CEP43: variants seen among roughly 807,000 people sequenced by gnomAD.
The protein encoded by CEP43 is centrosomal protein 43, also known as FGFR1 oncogene partner.
Under a neutral mutation model 52.6 loss-of-function variants are expected in CEP43, and 36 were observed. That is an observed-to-expected ratio of 0.68 (90% CI 0.52 to 0.90). The LOEUF (loss-of-function observed/expected upper bound fraction) is 0.90. CEP43 is among the 40% of genes least tolerant of loss of function. CEP43 has a pLI of 0.00. For missense variants in CEP43, 506 were observed against 472.8 expected (o/e 1.07, Z -0.65); for synonymous variants, 192 against 172.4 (o/e 1.11, Z -0.89).
intron 4 of CEP43, 42 bp from the exon 5 acceptor site, chr6:167,004,222 C>T: frequency 6.4e-7 from 1 of 1,569,322 alleles, no homozygotes; most frequent in Non-Finnish European, 8.6e-7. Context: ...AGAATAACTT[C>T]TGCTATTTTT....
At position 167,049,963 on chromosome 6, in the gene CEP43, T is replaced by C. The variant is rs1018274177; in HGVS notation, c.*9985T>C. The C allele has an allele frequency of 2.0e-5, 3 of 152,370 alleles. No homozygotes were observed. Among genetic ancestry groups the C allele is most frequent in the East Asian group, 1.9e-4 (1 of 5,192 alleles). The allele number at this position is 152,370 out of a possible 1,614,324, so 9.4% of individuals were successfully genotyped here. A position where few individuals can be genotyped will look rare whatever the true frequency, so the allele number is the denominator to read the frequency against. On this transcript the variant is annotated 3_prime_UTR_variant, in exon 13 of 13. Coordinates refer to ENST00000366847, the MANE Select transcript of CEP43 (RefSeq NM_007045.4). ...AGATTTGCATTTGGAGCATGTCTTATGTGCACTTAAAAATATTAATATCTA... is the reference window on the plus strand; with the variant it reads ...AGATTTGCATTTGGAGCATGTCTTACGTGCACTTAAAAATATTAATATCTA...
intron 12 of CEP43, chr6:167,035,986 A>G: frequency 1.2e-6 from 1 of 869,196 alleles, no homozygotes; most frequent in African/African-American, 1.8e-5. Context: ...ACAGGCATTC[A>G]ATAAATGGTA....
At chr6:167,019,500 T>C (rs947666120) in intron 7 of CEP43, among the ~76,000 whole-genome samples, 22 of 152,242 alleles carry the variant, frequency 1.4e-4, no homozygotes, top group African/African-American at 5.3e-4. Context: ...TAGTTGGTAA[T>C]GGTCTTTTGG....
rs1780878118 is a variant in CEP43, at chr6:167,052,245, C to T, written c.*12267C>T. The T allele has an allele frequency of 6.6e-6, 1 of 152,058 alleles. No individual in the cohort carries two copies. The highest frequency in any genetic ancestry group is 2.4e-5 in the African/African-American group (1 of 41,398). 9.4% of individuals were successfully genotyped at this position (152,058 alleles called of 1,614,324 possible). A position where few individuals can be genotyped will look rare whatever the true frequency, so the allele number is the denominator to read the frequency against. Reference sequence around the variant, plus strand: ...TTGTTTTTGTGCTATTATTGTTATACTTACTACCTCTGTATATGTTACAAG... The same window carrying T: ...TTGTTTTTGTGCTATTATTGTTATATTTACTACCTCTGTATATGTTACAAG... On this transcript the variant is annotated 3_prime_UTR_variant, in exon 13 of 13. Coordinates refer to ENST00000366847, the MANE Select transcript of CEP43 (RefSeq NM_007045.4).
In CEP43 at chr6:167,039,913, C is replaced by T. The variant is rs780331301; in HGVS notation, c.1135C>T (p.Leu379Phe). Residue 379 changes from leucine to phenylalanine, a missense_variant, in exon 13 of 13, where the codon CTC becomes TTC. Leu to Phe is a conservative substitution (Grantham distance 22, BLOSUM62 0). Transcript: ENST00000366847. ...CTTTTGAACAACAAAGCTTGATGACCTCACACAAGATCTGACTGTATCCCA... is the reference window on the plus strand; with the variant it reads ...CTTTTGAACAACAAAGCTTGATGACTTCACACAAGATCTGACTGTATCCCA... ...DINTSDKLDDLTQDLTVSQLS... is the reference protein window; with the variant it reads ...DINTSDKLDDFTQDLTVSQLS... The T allele has an allele frequency of 1.6e-5, 26 of 1,613,274 alleles. 1 individual carries two copies. The South Asian group carries it at 2.6e-4, about 16-fold the overall frequency.
intron 10 of CEP43, among the ~76,000 whole-genome samples, chr6:167,029,517 A>G (rs1388518198): frequency 6.6e-6 from 1 of 152,212 alleles, no homozygotes; most frequent in Non-Finnish European, 1.5e-5. Context: ...CCACTCAGAA[A>G]GTTCTGGATT....
chr6:166,999,942 C>G (rs1179871469), intron 1 of CEP43, 118 bp from the exon 2 acceptor site: 3 of 804,258 alleles, frequency 3.7e-6, no homozygotes, highest in Non-Finnish European at 6.2e-6. Flanking sequence ...GCGTTTCTGA[C>G]CTTTGCACCT....
chr6:167,049,000 A>G lies in CEP43; in HGVS notation c.*9022A>G, dbSNP rs1267603804. ...AAGAATTAAAAATCATTTTTGATCA[A>G]CAGAGTAAACTGATTTTTTATCTCT... On this transcript the variant is annotated 3_prime_UTR_variant, in exon 13 of 13. Coordinates refer to ENST00000366847, the MANE Select transcript of CEP43 (RefSeq NM_007045.4). The G allele has an allele frequency of 2.6e-5, 4 of 152,262 alleles. No individual in the cohort carries two copies. Among genetic ancestry groups the G allele is most frequent in the Non-Finnish European group, 4.4e-5 (3 of 68,044 alleles). The allele number at this position is 152,262 out of a possible 1,614,324, so 9.4% of individuals were successfully genotyped here.
In CEP43 at chr6:167,041,610, T is replaced by A; in HGVS notation, c.*1632T>A. ...CTGGAATCTGGATCACATGTATGAT[T>A]TATTTTTAATATTTGATAGGAACTA... is the stretch of plus-strand genomic sequence containing the variant. On this transcript the variant is annotated 3_prime_UTR_variant, in exon 13 of 13. Transcript: ENST00000366847. 1 of 1,044,190 alleles carries A rather than the reference T, an allele frequency of 9.6e-7. No individual in the cohort carries two copies. Among genetic ancestry groups the A allele is most frequent in the Non-Finnish European group, 1.2e-6 (1 of 865,686 alleles). The allele number at this position is 1,044,190 out of a possible 1,614,324, so 64.7% of individuals were successfully genotyped here. A position where few individuals can be genotyped will look rare whatever the true frequency, so the allele number is the denominator to read the frequency against.
At chr6:167,001,799 A>G (rs1306296246) in intron 2 of CEP43, among the ~76,000 whole-genome samples, 1 of 151,932 alleles carries the variant, frequency 6.6e-6, no homozygotes, top group Non-Finnish European at 1.5e-5. Flanking sequence ...TCTTTTCCAG[A>G]TTGCCTTATC....
chr6:167,006,605 A>G (rs1213125890), intron 5 of CEP43, among the ~76,000 whole-genome samples: 1 of 152,256 alleles, frequency 6.6e-6, no homozygotes, highest in Non-Finnish European at 1.5e-5. Context: ...ATTGTATTAG[A>G]TATAAGTTAG....
intron 7 of CEP43, among the ~76,000 whole-genome samples, chr6:167,015,568 C>A (rs546940451): frequency 6.6e-6 from 1 of 152,320 alleles, no homozygotes; most frequent in South Asian, 2.1e-4. Flanking sequence ...GGAGCCCTGC[C>A]TGTCCTGCAG....
At chr6:166,999,878 T>C in intron 1 of CEP43, 182 bp from the exon 2 acceptor site, 1 of 580,392 alleles carries the variant, frequency 1.7e-6, no homozygotes, top group Non-Finnish European at 3.0e-6. Flanking sequence ...AAGCAGCGCG[T>C]CCAGCCGAAG....
Position 167,047,978 on chromosome 6 carries a change from G to T in CEP43, c.*8000G>T, listed in dbSNP as rs1048330298. The T allele has an allele frequency of 6.6e-6, 1 of 152,170 alleles. No homozygotes were observed. Among genetic ancestry groups the T allele is most frequent in the Non-Finnish European group, 1.5e-5 (1 of 68,032 alleles). 9.4% of individuals were successfully genotyped at this position (152,170 alleles called of 1,614,324 possible). ...AATTCTTAGTATACCACAGACTGTG[G>T]TGCCTAGGAATAACAGACAAGCTTT... On this transcript the variant is annotated 3_prime_UTR_variant, in exon 13 of 13. Transcript: ENST00000366847.
chr6:167,034,001 C>CTT, intron 12 of CEP43, 30 bp downstream of exon 12: 33 of 883,058 alleles, frequency 3.7e-5, no homozygotes, highest in South Asian at 1.5e-4. Context: ...CCATAGAGTG[C>CTT]TTTTTTTTTT....
rs967700567 is a variant in CEP43 at position 166,999,456 on chromosome 6, A to G, written c.44A>G (p.Glu15Gly). The G allele has an allele frequency of 2.2e-5, 33 of 1,484,632 alleles. No homozygotes were observed. The highest frequency in any genetic ancestry group is 2.9e-5 in the Non-Finnish European group (32 of 1,115,422). 92.0% of individuals were successfully genotyped at this position (1,484,632 alleles called of 1,614,324 possible). A position where few individuals can be genotyped will look rare whatever the true frequency, so the allele number is the denominator to read the frequency against. The change falls in exon 1 of 13, where the codon GAG (glutamate) becomes GGG (glycine). Residue 15 changes from glutamate (E) to glycine (G), a missense_variant. Physicochemically the swap from Glu to Gly is moderately conservative, Grantham distance 98. Transcript: ENST00000366847. ...AAAVVAEEDT[E>G]LRDLLVQTLE... Reference sequence around the variant, plus strand: ...GCAGTGGTGGCCGAGGAGGACACGGAGCTGCGGGACCTGCTGGTGCAGACG... The same window carrying G: ...GCAGTGGTGGCCGAGGAGGACACGGGGCTGCGGGACCTGCTGGTGCAGACG...
Position 167,051,432 on chromosome 6 carries a change from CA to C in CEP43, c.*11456del, listed in dbSNP as rs1371047708. The C allele has an allele frequency of 3.3e-5, 5 of 152,276 alleles. No homozygotes were observed. Among genetic ancestry groups the C allele is most frequent in the Admixed American group, 6.5e-5 (1 of 15,278 alleles). The allele number at this position is 152,276 out of a possible 1,614,324, so 9.4% of individuals were successfully genotyped here. A position where few individuals can be genotyped will look rare whatever the true frequency, so the allele number is the denominator to read the frequency against. On this transcript the variant is annotated 3_prime_UTR_variant, in exon 13 of 13. Coordinates refer to ENST00000366847, the MANE Select transcript of CEP43 (RefSeq NM_007045.4). The stretch of plus-strand genomic sequence containing the variant: ...AGCTTGGCCCATGCCCAGGAATGAC[CA>C]AGGGCAATTTGGAGATTAAAGTCAA...
At chr6:167,016,870 C>T (rs774646611) in intron 7 of CEP43, among the ~76,000 whole-genome samples, 3 of 152,140 alleles carry the variant, frequency 2.0e-5, no homozygotes, top group Non-Finnish European at 2.9e-5. Flanking sequence ...ATTTTAAATA[C>T]AGTCAGCCTC....
intron 1 of CEP43, 109 bp from the exon 2 acceptor site, chr6:166,999,951 C>T (rs1345310089): frequency 4.5e-6 from 4 of 883,516 alleles, no homozygotes; most frequent in Non-Finnish European, 5.5e-6. Context: ...ACCTTTGCAC[C>T]TGCCCTCCCA....
Sources: gnomAD v4.1 joint callset for allele counts (sites outside exome capture counted in the v4.1 genomes callset) on GRCh38, gnomAD v4.1.1 for gene constraint, MANE v1.5 for transcripts, NCBI Gene and HGNC (gene_info 2026-07-23, HGNC 2026-07-21) for gene names.